The following USP33 variants were observed in gnomAD, a reference collection of about 807,000 sequenced individuals.
USP33 encodes the protein ubiquitin carboxyl-terminal hydrolase 33.
In USP33, 46 loss-of-function variants were observed where a neutral mutation model predicts 124.2. That is an observed-to-expected ratio of 0.37 (90% CI 0.29 to 0.47). USP33 has a LOEUF of 0.47. Among genes scored for constraint, USP33 ranks in the 20% least tolerant of loss-of-function variants. USP33 has a pLI of 0.99. For synonymous variants in USP33, 350 were observed against 352.3 expected, an observed-to-expected ratio of 0.99 and a Z score of 0.07; for missense variants, 851 against 1,070.6, an observed-to-expected ratio of 0.79 and a Z score of 2.86.
intron 21 of USP33, among the ~76,000 whole-genome samples, chr1:77,703,000 C>A (rs1674216380): frequency 2.0e-5 from 3 of 152,032 alleles, no homozygotes; most frequent in African/African-American, 7.2e-5. Flanking sequence ...TACCTGTGGA[C>A]AAAGACAACC....
Position 77,717,908 on chromosome 1 carries a change from T to C in USP33, c.1877A>G (p.Tyr626Cys). Residue 626 changes from tyrosine to cysteine, a missense_variant, in exon 17 of 24, where the codon TAT becomes TGT. Coordinates refer to ENST00000370794, the MANE Select transcript of USP33 (RefSeq NM_201624.3). ...AKDSPAQIVTYDLLSVICHHG... is the reference protein window; with the variant it reads ...AKDSPAQIVTCDLLSVICHHG... ...ATGGCAAATGACTGACAGAAGATCA[T>C]ATGTCACAATTTGAGCTGGACTATC... The C allele has an allele frequency of 6.2e-7, 1 of 1,613,242 alleles. No homozygotes were observed. Among genetic ancestry groups the C allele is most frequent in the Non-Finnish European group, 8.5e-7 (1 of 1,179,710 alleles).
chr1:77,710,473 T>C (rs748783648), intron 21 of USP33, among the ~76,000 whole-genome samples: 16 of 152,198 alleles, frequency 1.1e-4, no homozygotes, highest in Non-Finnish European at 1.5e-4. Flanking sequence ...TATTTAAGCA[T>C]TGATGGAAAA....
chr1:77,728,212 A>C, intron 10 of USP33, 83 bp downstream of exon 10: 1 of 1,369,638 alleles, frequency 7.3e-7, no homozygotes, highest in Non-Finnish European at 9.9e-7. Flanking sequence ...CTAATTAGAA[A>C]TACCCAAAGT....
Position 77,741,308 on chromosome 1 carries a change from G to A in USP33, c.135+68C>T. The A allele has an allele frequency of 3.4e-6, 5 of 1,469,380 alleles. No homozygotes were observed. The South Asian group carries it at 6.8e-5, about 20-fold the overall frequency. The allele number at this position is 1,469,380 out of a possible 1,614,324, so 91.0% of individuals were successfully genotyped here. On this transcript the variant is annotated intron_variant, in intron 3 of 23. Coordinates refer to ENST00000370794, the MANE Select transcript of USP33 (RefSeq NM_201624.3). ...CACTTTAAGTATCAAAAATTTTCTG[G>A]TTATGATTATTCAGATCCAAATTTA...
At chr1:77,723,902 G>A (rs1249066404) in intron 11 of USP33, among the ~76,000 whole-genome samples, 1 of 151,808 alleles carries the variant, frequency 6.6e-6, no homozygotes, top group Non-Finnish European at 1.5e-5. Context: ...CTGACCTCAT[G>A]ATCCACCCAC....
intron 10 of USP33, 123 bp downstream of exon 10, chr1:77,728,172 C>T: frequency 9.2e-7 from 1 of 1,081,900 alleles, no homozygotes; most frequent in Non-Finnish European, 1.3e-6. Context: ...ATGACTAATA[C>T]TCACATGCAA....
chr1:77,720,022 T>G (rs1414980574), intron 15 of USP33, among the ~76,000 whole-genome samples: 3 of 151,844 alleles, frequency 2.0e-5, no homozygotes, highest in Non-Finnish European at 4.4e-5. Flanking sequence ...TAGCCAGGCA[T>G]GGTGGCATGC....
intron 11 of USP33, among the ~76,000 whole-genome samples, chr1:77,723,661 T>G (rs1307599117): frequency 6.6e-6 from 1 of 152,024 alleles, no homozygotes; most frequent in Non-Finnish European, 1.5e-5. Flanking sequence ...TATTTGTTGT[T>G]TTTTTTTGTT....
chr1:77,755,087 C>A (rs1250280294), intron 1 of USP33, among the ~76,000 whole-genome samples: 1 of 152,008 alleles, frequency 6.6e-6, no homozygotes, highest in African/African-American at 2.4e-5. Flanking sequence ...CTCAAATAAG[C>A]TGATGATAAT....
In USP33 at chr1:77,721,913, T is replaced by G; in HGVS notation, c.1575A>C (p.Ser525=). Residue 525 remains serine (S), a synonymous_variant, in exon 14 of 24, where the codon TCA becomes TCC. Transcript: ENST00000370794. ...FMEYVKRFVV[S]CVPSWFWGPV... ...GACCCCAAAACCAGCTAGGGACACA[T>G]GAGACAACAAACCTGAAACATCATT... 1.2e-6 allele frequency: 2 copies of G among 1,608,344 alleles called. No homozygotes were observed. Among genetic ancestry groups the G allele is most frequent in the Middle Eastern group, 1.7e-4 (1 of 6,036 alleles).
intron 21 of USP33, among the ~76,000 whole-genome samples, chr1:77,710,904 G>A (rs1248652934): frequency 1.3e-5 from 2 of 152,078 alleles, no homozygotes; most frequent in Non-Finnish European, 2.9e-5. Flanking sequence ...TTCTTGCTAC[G>A]TCAATAATTG....
intron 15 of USP33, chr1:77,720,491 T>A (rs947905775): frequency 1.0e-6 from 1 of 985,444 alleles, no homozygotes; most frequent in Non-Finnish European, 1.2e-6. Context: ...CTTTCTGTCA[T>A]GTCATGATCA....
rs1187044738 is a variant in USP33, at chr1:77,728,482, T to C, written c.948A>G (p.Thr316=). 7 of 1,614,128 alleles carry C rather than the reference T, an allele frequency of 4.3e-6. No homozygotes were observed. Among genetic ancestry groups the C allele is most frequent in the Non-Finnish European group, 5.9e-6 (7 of 1,180,018 alleles). ...TGTTTTCATCATCCTGAATTAACAT[T>C]GTTGTTTCATTATTATCTTCAGAAA... ...RCFSEDNNET[T]MLIQDDENNS... Residue 316 remains threonine (T), a synonymous_variant, in exon 10 of 24, where the codon ACA becomes ACG. Coordinates refer to ENST00000370794, the MANE Select transcript of USP33 (RefSeq NM_201624.3).
At chr1:77,726,637 C>T (rs1164967732) in intron 10 of USP33, among the ~76,000 whole-genome samples, 1 of 136,864 alleles carries the variant, frequency 7.3e-6, no homozygotes, top group Non-Finnish European at 1.5e-5. Flanking sequence ...CAGAATGAGA[C>T]CCTGTTTCAG....
intron 22 of USP33, among the ~76,000 whole-genome samples, chr1:77,701,139 C>G (rs1439768290): frequency 6.6e-6 from 1 of 152,118 alleles, no homozygotes; most frequent in East Asian, 1.9e-4. Context: ...ACATTAAGAT[C>G]ACAGATTTAC....
intron 11 of USP33, 113 bp downstream of exon 11, chr1:77,725,509 T>C: frequency 7.1e-7 from 1 of 1,408,994 alleles, no homozygotes; most frequent in Non-Finnish European, 9.5e-7. Context: ...TGCTATCAAT[T>C]TTAAAAGATC....
chr1:77,721,717 T>G, intron 14 of USP33, 114 bp downstream of exon 14: 1 of 882,056 alleles, frequency 1.1e-6, no homozygotes, highest in Non-Finnish European at 1.7e-6. Flanking sequence ...AATATGTGAA[T>G]GTACTATTAA....
chr1:77,699,236 A>T (rs1354279074), intron 22 of USP33, among the ~76,000 whole-genome samples: 2 of 152,104 alleles, frequency 1.3e-5, no homozygotes, highest in Non-Finnish European at 2.9e-5. Flanking sequence ...AAGTCAAGAA[A>T]CAGGCTGGGC....
chr1:77,759,807 G>T lies in USP33; in HGVS notation c.-216C>A, dbSNP rs530958687. 5.0e-6 allele frequency: 2 copies of T among 397,274 alleles called. No homozygotes were observed. Among genetic ancestry groups the T allele is most frequent in the Non-Finnish European group, 8.9e-6 (2 of 225,298 alleles). The allele number at this position is 397,274 out of a possible 1,614,324, so 24.6% of individuals were successfully genotyped here. A position where few individuals can be genotyped will look rare whatever the true frequency, so the allele number is the denominator to read the frequency against. On this transcript the variant is annotated 5_prime_UTR_variant, in exon 1 of 24. Coordinates refer to ENST00000370794, the MANE Select transcript of USP33 (RefSeq NM_201624.3). ...GCTGCCCTCGGGGGGTCCGCCTCCTGAACTGGCCACTTCCCGCAGCAGCCG... is the reference window on the plus strand; with the variant it reads ...GCTGCCCTCGGGGGGTCCGCCTCCTTAACTGGCCACTTCCCGCAGCAGCCG...
Sources: gnomAD v4.1 joint callset for allele counts (sites outside exome capture counted in the v4.1 genomes callset) on GRCh38, gnomAD v4.1.1 for gene constraint, MANE v1.5 for transcripts, NCBI Gene and HGNC (gene_info 2026-07-23, HGNC 2026-07-21) for gene names.